Variants in NPAS3 observed in about 807,000 individuals in gnomAD.
NPAS3 encodes neuronal PAS domain protein 3, also known as neuronal PAS domain-containing protein 3.
In NPAS3, 14 loss-of-function variants were observed where a neutral mutation model predicts 73.1. That is an observed-to-expected ratio of 0.19 (90% CI 0.13 to 0.30). The LOEUF (loss-of-function observed/expected upper bound fraction) is 0.30. Among genes scored for constraint, NPAS3 ranks in the 10% least tolerant of loss-of-function variants. The probability of loss-of-function intolerance (pLI) is 1.00; values close to 1 mark genes in which losing one functional copy is unlikely to be tolerated. For missense variants in NPAS3, 1,096 were observed against 1,250.0 expected, an observed-to-expected ratio of 0.88 and a Z score of 1.86; for synonymous variants, 620 against 541.5, an observed-to-expected ratio of 1.14 and a Z score of -2.01.
intron 2 of NPAS3, among the ~76,000 whole-genome samples, chr14:33,145,962 A>T (rs2044223602): frequency 6.6e-6 from 1 of 151,158 alleles, no homozygotes; most frequent in Non-Finnish European, 1.5e-5. Context: ...GTGCCTGTGA[A>T]AATCTATACT....
intron 4 of NPAS3, among the ~76,000 whole-genome samples, chr14:33,524,426 A>C (rs954940629): frequency 6.6e-6 from 1 of 152,202 alleles, no homozygotes; most frequent in South Asian, 2.1e-4. Context: ...CAACAACCTA[A>C]TAAAGTAGAT....
At chr14:33,727,854 A>G (rs2061311275) in intron 6 of NPAS3, among the ~76,000 whole-genome samples, 1 of 152,166 alleles carries the variant, frequency 6.6e-6, no homozygotes. Context: ...GGCAACATTT[A>G]TAGGGAGTTT....
intron 3 of NPAS3, among the ~76,000 whole-genome samples, chr14:33,327,782 CAT>C (rs2043778101): frequency 6.6e-6 from 1 of 152,086 alleles, no homozygotes; most frequent in Admixed American, 6.5e-5. Context: ...GTTAAGGAAA[CAT>C]AAAGTTACTG....
At chr14:33,648,558 A>G (rs1420513945) in intron 5 of NPAS3, among the ~76,000 whole-genome samples, 1 of 152,236 alleles carries the variant, frequency 6.6e-6, no homozygotes, top group Non-Finnish European at 1.5e-5. Flanking sequence ...TTCCAAGTCA[A>G]TATAAACATA....
chr14:33,343,123 A>G (rs138520487), intron 3 of NPAS3, among the ~76,000 whole-genome samples: 1 of 152,278 alleles, frequency 6.6e-6, no homozygotes, highest in African/African-American at 2.4e-5. Flanking sequence ...TCCGCAAATA[A>G]CATCTTTGCT....
chr14:33,405,565 T>G (rs941560357), intron 4 of NPAS3, among the ~76,000 whole-genome samples: 3 of 152,088 alleles, frequency 2.0e-5, no homozygotes, highest in Non-Finnish European at 4.4e-5. Context: ...ATAAGATAAC[T>G]CCTAACATCT....
chr14:33,794,894 C>G (rs2063466817), intron 10 of NPAS3, among the ~76,000 whole-genome samples: 1 of 152,150 alleles, frequency 6.6e-6, no homozygotes, highest in Non-Finnish European at 1.5e-5. Context: ...CCTCCCACCC[C>G]CATCATTCTG....
chr14:33,781,943 G>A (rs1026230079), intron 9 of NPAS3, among the ~76,000 whole-genome samples: 3 of 152,160 alleles, frequency 2.0e-5, no homozygotes, highest in Admixed American at 2.0e-4. Context: ...GAACTTTAGA[G>A]CATCTACTCT....
intron 3 of NPAS3, among the ~76,000 whole-genome samples, chr14:33,304,214 T>G (rs1456673440): frequency 6.6e-6 from 1 of 152,222 alleles, no homozygotes; most frequent in Non-Finnish European, 1.5e-5. Flanking sequence ...TTCATAAGAT[T>G]TAATGTGGAA....
intron 3 of NPAS3, among the ~76,000 whole-genome samples, chr14:33,226,986 A>G (rs1246923911): frequency 2.0e-5 from 3 of 152,238 alleles, no homozygotes; most frequent in Admixed American, 6.5e-5. Flanking sequence ...CAAGAATTTT[A>G]GCATAAAAGC....
intron 4 of NPAS3, among the ~76,000 whole-genome samples, chr14:33,478,614 G>A (rs1428996170): frequency 1.3e-5 from 2 of 152,132 alleles, no homozygotes; most frequent in Non-Finnish European, 2.9e-5. Flanking sequence ...GATTCACTCT[G>A]TTTTGCAGGA....
chr14:33,301,318 A>G (rs1281278580), intron 3 of NPAS3, among the ~76,000 whole-genome samples: 1 of 97,128 alleles, frequency 1.0e-5, no homozygotes, highest in African/African-American at 4.4e-5. Context: ...ATATATATAT[A>G]TATATTTTTT....
intron 5 of NPAS3, among the ~76,000 whole-genome samples, chr14:33,649,811 G>A (rs368534653): frequency 2.6e-5 from 4 of 152,158 alleles, no homozygotes; most frequent in East Asian, 1.9e-4. Flanking sequence ...ATACAGCACT[G>A]GGGATGACAA....
intron 5 of NPAS3, among the ~76,000 whole-genome samples, chr14:33,654,095 G>T (rs538820063): frequency 1.4e-4 from 21 of 152,140 alleles, no homozygotes; most frequent in African/African-American, 5.1e-4. Context: ...CAAAAGATAA[G>T]ATACAATGTT....
At chr14:33,107,316 T>G (rs1335454850) in intron 2 of NPAS3, among the ~76,000 whole-genome samples, 1 of 152,186 alleles carries the variant, frequency 6.6e-6, no homozygotes, top group African/African-American at 2.4e-5. Context: ...TATTGCGTGA[T>G]GCTGAGGTTT....
At chr14:33,276,999 T>G (rs548745746) in intron 3 of NPAS3, among the ~76,000 whole-genome samples, 1 of 152,212 alleles carries the variant, frequency 6.6e-6, no homozygotes, top group Non-Finnish European at 1.5e-5. Flanking sequence ...AGAGCTTACA[T>G]TCTAGCAGAG....
intron 7 of NPAS3, among the ~76,000 whole-genome samples, chr14:33,746,881 C>G (rs1039659255): frequency 1.9e-4 from 28 of 150,960 alleles, no homozygotes; most frequent in Admixed American, 9.8e-4. Context: ...TCTCCCAATG[C>G]TATCCCTCCC....
intron 4 of NPAS3, among the ~76,000 whole-genome samples, chr14:33,523,444 T>C: frequency 7.7e-6 from 1 of 129,304 alleles, no homozygotes. Flanking sequence ...AGAGCGAGAC[T>C]CTGTCTCAAA....
intron 2 of NPAS3, among the ~76,000 whole-genome samples, chr14:33,091,816 C>G (rs2042234423): frequency 6.6e-6 from 1 of 152,068 alleles, no homozygotes; most frequent in African/African-American, 2.4e-5. Flanking sequence ...GCTGGTTCAA[C>G]ATACGCAAAT....
Sources: allele counts gnomAD v4.1 joint callset (sites outside exome capture counted in the v4.1 genomes callset), GRCh38; gene constraint gnomAD v4.1.1; transcripts MANE v1.5; gene names NCBI Gene and HGNC (gene_info 2026-07-23, HGNC 2026-07-21).